Variants in LHFPL3 observed in about 807,000 individuals in gnomAD.
LHFPL3 encodes the protein LHFPL tetraspan subfamily member 3 protein.
A neutral mutation model predicts 19.3 loss-of-function variants in LHFPL3; 5 were observed. That is an observed-to-expected ratio of 0.26 (90% CI 0.14 to 0.54). The LOEUF (loss-of-function observed/expected upper bound fraction) is 0.54, where lower values mean the gene tolerates loss of function less well. Among genes scored for constraint, LHFPL3 ranks in the 20% least tolerant of loss-of-function variants. The pLI, the probability that LHFPL3 is intolerant of heterozygous loss-of-function variation, is 0.94. For missense variants in LHFPL3, 249 were observed against 307.4 expected, an observed-to-expected ratio of 0.81 and a Z score of 1.42; for synonymous variants, 133 against 126.2, an observed-to-expected ratio of 1.05 and a Z score of -0.36.
chr7:104,504,019 G>T (rs919991629), intron 1 of LHFPL3, among the ~76,000 whole-genome samples: 1 of 152,112 alleles, frequency 6.6e-6, no homozygotes, highest in Admixed American at 6.5e-5. Flanking sequence ...AATCCATTCT[G>T]TACTAGAGAA....
At chr7:104,778,321 A>G (rs1045121848) in intron 2 of LHFPL3, among the ~76,000 whole-genome samples, 3 of 152,040 alleles carry the variant, frequency 2.0e-5, no homozygotes, top group African/African-American at 7.3e-5. Flanking sequence ...CGGTGACCCT[A>G]CCCACCTTGG....
intron 1 of LHFPL3, among the ~76,000 whole-genome samples, chr7:104,604,503 G>A (rs1472083468): frequency 6.6e-6 from 1 of 152,194 alleles, no homozygotes; most frequent in Non-Finnish European, 1.5e-5. Context: ...ATGGCCACTT[G>A]GCCACACCCT....
intron 1 of LHFPL3, among the ~76,000 whole-genome samples, chr7:104,457,243 A>G (rs1038421562): frequency 6.6e-6 from 1 of 151,822 alleles, no homozygotes; most frequent in Non-Finnish European, 1.5e-5. Flanking sequence ...AGCATTAGGT[A>G]TATCTCCTCA....
intron 1 of LHFPL3, among the ~76,000 whole-genome samples, chr7:104,514,012 T>C (rs1562921729): frequency 2.6e-5 from 4 of 152,132 alleles, no homozygotes; most frequent in Admixed American, 1.3e-4. Flanking sequence ...TACATAATGG[T>C]TTTAAGGTAG....
chr7:104,676,290 T>A (rs1254578363), intron 1 of LHFPL3, among the ~76,000 whole-genome samples: 2 of 152,186 alleles, frequency 1.3e-5, no homozygotes, highest in East Asian at 3.8e-4. Context: ...ATCCCTGGCA[T>A]AGAAATAACT....
chr7:104,456,538 A>G (rs1792544058), intron 1 of LHFPL3, among the ~76,000 whole-genome samples: 1 of 152,182 alleles, frequency 6.6e-6, no homozygotes, highest in South Asian at 2.1e-4. Context: ...AGTTACATGG[A>G]TGGAAGATTC....
At chr7:104,486,870 C>A (rs1328523080) in intron 1 of LHFPL3, among the ~76,000 whole-genome samples, 3 of 151,998 alleles carry the variant, frequency 2.0e-5, no homozygotes, top group African/African-American at 4.8e-5. Context: ...TTATTCATTG[C>A]TATAAATATG....
At chr7:104,893,688 A>G (rs973090736) in intron 2 of LHFPL3, among the ~76,000 whole-genome samples, 7 of 152,102 alleles carry the variant, frequency 4.6e-5, no homozygotes, top group Non-Finnish European at 1.0e-4. Context: ...GCAGTGGCTC[A>G]CGCCTGTAAT....
At chr7:104,805,268 C>T (rs914888493) in intron 2 of LHFPL3, among the ~76,000 whole-genome samples, 1 of 152,188 alleles carries the variant, frequency 6.6e-6, no homozygotes, top group Non-Finnish European at 1.5e-5. Context: ...CTTAGCATCC[C>T]TTAAGTTCAA....
chr7:104,534,416 C>G (rs1794357734), intron 1 of LHFPL3, among the ~76,000 whole-genome samples: 1 of 152,228 alleles, frequency 6.6e-6, no homozygotes, highest in African/African-American at 2.4e-5. Context: ...CCCACACTTC[C>G]ATCTCGGCTC....
intron 1 of LHFPL3, among the ~76,000 whole-genome samples, chr7:104,364,998 T>C (rs935587373): frequency 7.9e-5 from 12 of 152,018 alleles, no homozygotes; most frequent in African/African-American, 2.7e-4. Context: ...CATTTAAAGG[T>C]TGTGAAAGAG....
chr7:104,571,033 G>C (rs1005299796), intron 1 of LHFPL3, among the ~76,000 whole-genome samples: 2 of 152,020 alleles, frequency 1.3e-5, no homozygotes, highest in Admixed American at 6.6e-5. Context: ...GAGCTTTTTT[G>C]GAGAACCCAG....
intron 1 of LHFPL3, chr7:104,668,956 A>C: frequency 6.2e-7 from 1 of 1,612,474 alleles, no homozygotes; most frequent in Non-Finnish European, 8.5e-7. Flanking sequence ...GAGACACCCA[A>C]GCTGGCAAAG....
Position 104,552,331 on chromosome 7 carries a change from G to A in LHFPL3, c.446-184344G>A, listed in dbSNP as rs578088986. On this transcript the variant is annotated intron_variant, in intron 1 of 2. Coordinates refer to ENST00000424859, the MANE Select transcript of LHFPL3 (RefSeq NM_199000.3). ...TGGACAGCTCAACGTGAGCAGGAAT[G>A]TAGCCTTTCTAATAAGGGAGGGTTC... Among the ~76,000 whole-genome samples the A allele has an allele frequency of 9.2e-5, 14 of 152,320 alleles. No homozygotes were observed. In the East Asian group the frequency reaches 2.3e-3, roughly 25 times the overall value.
At chr7:104,644,367 C>T (rs1283694516) in intron 1 of LHFPL3, among the ~76,000 whole-genome samples, 1 of 152,188 alleles carries the variant, frequency 6.6e-6, no homozygotes, top group African/African-American at 2.4e-5. Flanking sequence ...ACTAACTTTC[C>T]TTAACCCAAC....
intron 2 of LHFPL3, among the ~76,000 whole-genome samples, chr7:104,764,311 G>C (rs765753732): frequency 2.6e-5 from 4 of 152,178 alleles, no homozygotes; most frequent in Non-Finnish European, 4.4e-5. Flanking sequence ...TGGGATTACA[G>C]GCTCCCGCCA....
In LHFPL3 at chr7:104,907,820, T is replaced by C. The variant is rs1273977175; in HGVS notation, c.*1605T>C. On this transcript the variant is annotated 3_prime_UTR_variant, in exon 3 of 3. Transcript: ENST00000424859. ...TCCTATTTTAGCCAAATGTTTCTGG[T>C]ACGGGCCATCTTTTCACCATAAATG... Among the ~76,000 whole-genome samples the C allele has an allele frequency of 1.3e-5, 2 of 152,186 alleles. No homozygotes were observed. Among genetic ancestry groups the C allele is most frequent in the African/African-American group, 4.8e-5 (2 of 41,448 alleles).
chr7:104,589,702 T>A (rs1167728958), intron 1 of LHFPL3, among the ~76,000 whole-genome samples: 1 of 152,220 alleles, frequency 6.6e-6, no homozygotes, highest in Non-Finnish European at 1.5e-5. Flanking sequence ...AGCTCCTCTT[T>A]GTACCTCTGG....
chr7:104,763,047 T>A lies in LHFPL3; in HGVS notation c.682+26136T>A, dbSNP rs78772990. 7.8e-3 allele frequency among the ~76,000 whole-genome samples: 1,190 copies of A among 152,324 alleles called. 7 individuals are homozygous for A. The highest frequency in any genetic ancestry group is 0.013 in the Admixed American group (203 of 15,302). ...TGTGTGACAGAGTAATGACTTGTTG[T>A]TTACTGAGGCTACAATTCAGAACTG... On this transcript the variant is annotated intron_variant, in intron 2 of 2. Transcript: ENST00000424859.
Sources: allele counts gnomAD v4.1 joint callset (sites outside exome capture counted in the v4.1 genomes callset), GRCh38; gene constraint gnomAD v4.1.1; transcripts MANE v1.5; gene names NCBI Gene and HGNC (gene_info 2026-07-23, HGNC 2026-07-21).